Variants in KHDRBS3 observed in about 807,000 individuals in gnomAD.
The protein encoded by KHDRBS3 is KH RNA binding domain containing, signal transduction associated 3, also known as KH domain-containing, RNA-binding, signal transduction-associated protein 3.
A neutral mutation model predicts 45.6 loss-of-function variants in KHDRBS3; 23 were observed. That is an observed-to-expected ratio of 0.50 (90% confidence interval 0.36 to 0.72). The LOEUF (loss-of-function observed/expected upper bound fraction) is 0.72. KHDRBS3 is among the 30% of genes least tolerant of loss of function. The probability of loss-of-function intolerance (pLI) is 0.00; values close to 1 mark genes in which losing one functional copy is unlikely to be tolerated. For synonymous variants in KHDRBS3, 162 were observed against 156.5 expected (o/e 1.04, Z -0.26); for missense variants, 352 against 424.8 (o/e 0.83, Z 1.51).
At chr8:135,547,082 A>G (rs529407090) in intron 3 of KHDRBS3, among the ~76,000 whole-genome samples, 1 of 152,322 alleles carries the variant, frequency 6.6e-6, no homozygotes, top group Non-Finnish European at 1.5e-5. Context: ...ATAGAATGCA[A>G]TTTTTAAAAC....
intron 6 of KHDRBS3, among the ~76,000 whole-genome samples, chr8:135,605,246 G>T (rs1215016104): frequency 6.6e-6 from 1 of 151,676 alleles, no homozygotes; most frequent in Non-Finnish European, 1.5e-5. Flanking sequence ...TTTCCTTTGG[G>T]TCTGTCAGTA....
At chr8:135,651,768 A>C (rs1831435810), downstream of KHDRBS3, among the ~76,000 whole-genome samples, 1 of 152,164 alleles carries the variant, frequency 6.6e-6, no homozygotes, top group Non-Finnish European at 1.5e-5. Flanking sequence ...TCACATAGTT[A>C]TTTGACAGTG....
intron 5 of KHDRBS3, among the ~76,000 whole-genome samples, chr8:135,557,798 C>T (rs1177734369): frequency 3.9e-5 from 6 of 152,074 alleles, no homozygotes. Flanking sequence ...CTGCTGCACT[C>T]CAATGTGGGC....
rs6986069 is a variant in KHDRBS3, at chr8:135,469,527, T to G, written c.88+11573T>G. ...TGGTGTTTTTTTTTTGTTTTGGTTT[T>G]TTTTTTTTTTTTTTTTTTTTGAGAC... On this transcript the variant is annotated intron_variant, in intron 1 of 8. Transcript: ENST00000355849. 8.2e-3 allele frequency among the ~76,000 whole-genome samples: 160 copies of G among 19,552 alleles called. 4 individuals are homozygous for G. Among genetic ancestry groups the G allele is most frequent in the East Asian group, 0.06 (5 of 84 alleles). 12.8% of individuals were successfully genotyped at this position (19,552 alleles called of 152,430 possible). A position where few individuals can be genotyped will look rare whatever the true frequency, so the allele number is the denominator to read the frequency against.
intron 7 of KHDRBS3, among the ~76,000 whole-genome samples, chr8:135,615,783 G>A (rs565468016): frequency 2.7e-4 from 41 of 152,308 alleles, no homozygotes; most frequent in Admixed American, 1.7e-3. Context: ...CAAGTATACT[G>A]CATATCCTGA....
At chr8:135,511,531 C>G (rs1446184487) in intron 1 of KHDRBS3, among the ~76,000 whole-genome samples, 1 of 151,036 alleles carries the variant, frequency 6.6e-6, no homozygotes, top group African/African-American at 2.4e-5. Flanking sequence ...AATATTTGCT[C>G]TGTTTTTTTG....
At chr8:135,509,497 C>T (rs1461551975) in intron 1 of KHDRBS3, among the ~76,000 whole-genome samples, 4 of 152,140 alleles carry the variant, frequency 2.6e-5, no homozygotes, top group Non-Finnish European at 5.9e-5. Flanking sequence ...TAGGGAACAT[C>T]CCATCTTCAA....
chr8:135,635,571 A>AG (rs1830777257), intron 7 of KHDRBS3, among the ~76,000 whole-genome samples: 1 of 152,082 alleles, frequency 6.6e-6, no homozygotes, highest in Non-Finnish European at 1.5e-5. Context: ...TTAGTGGAGA[A>AG]GGGGGTTCAC....
intron 7 of KHDRBS3, among the ~76,000 whole-genome samples, chr8:135,623,552 A>G (rs982987036): frequency 2.0e-5 from 3 of 152,154 alleles, no homozygotes; most frequent in Non-Finnish European, 2.9e-5. Flanking sequence ...TTGTGTCACC[A>G]AAGCTAAGTT....
chr8:135,524,110 G>T (rs1040835497), intron 2 of KHDRBS3, among the ~76,000 whole-genome samples: 1 of 151,966 alleles, frequency 6.6e-6, no homozygotes, highest in African/African-American at 2.4e-5. Flanking sequence ...CCATCTCCTG[G>T]ATTCAAGTGA....
intron 1 of KHDRBS3, among the ~76,000 whole-genome samples, chr8:135,514,377 C>T (rs750042899): frequency 6.6e-6 from 1 of 152,168 alleles, no homozygotes; most frequent in Non-Finnish European, 1.5e-5. Context: ...AATATTATTC[C>T]GCCTTAAAAA....
At chr8:135,646,854 T>C in intron 8 of KHDRBS3, 139 bp from the exon 9 acceptor site, 1 of 503,840 alleles carries the variant, frequency 2.0e-6, no homozygotes, top group Non-Finnish European at 3.6e-6. Flanking sequence ...TCCTTGTTTG[T>C]TTTTCTTTTC....
intron 2 of KHDRBS3, among the ~76,000 whole-genome samples, chr8:135,525,458 A>G (rs533611594): frequency 1.3e-5 from 2 of 152,288 alleles, no homozygotes; most frequent in East Asian, 1.9e-4. Flanking sequence ...AATTCACCCC[A>G]GGGTATTTCC....
intron 6 of KHDRBS3, among the ~76,000 whole-genome samples, chr8:135,596,837 G>A (rs77497848): frequency 0.085 from 12,918 of 152,114 alleles, 960 homozygotes; most frequent in African/African-American, 0.2. Context: ...TTAGATCAGC[G>A]AAGCGTGAAG....
intron 1 of KHDRBS3, among the ~76,000 whole-genome samples, chr8:135,484,288 C>T (rs1013336844): frequency 2.0e-5 from 3 of 152,238 alleles, no homozygotes; most frequent in African/African-American, 2.4e-5. Flanking sequence ...AGGCTGATCA[C>T]GCCTTAGTAC....
intron 5 of KHDRBS3, among the ~76,000 whole-genome samples, chr8:135,565,491 A>G (rs566843978): frequency 5.4e-4 from 82 of 152,146 alleles, no homozygotes; most frequent in Non-Finnish European, 1.1e-3. Flanking sequence ...ATTTTTTTAG[A>G]CTGTTTAAGC....
At chr8:135,609,724 G>A (rs762868542) in intron 7 of KHDRBS3, among the ~76,000 whole-genome samples, 62 of 151,872 alleles carry the variant, frequency 4.1e-4, no homozygotes, top group Admixed American at 1.1e-3. Context: ...TAGCGCCACC[G>A]CTGTACCTGC....
At chr8:135,460,313 A>C (rs535022237) in intron 1 of KHDRBS3, among the ~76,000 whole-genome samples, 1 of 152,232 alleles carries the variant, frequency 6.6e-6, no homozygotes, top group Non-Finnish European at 1.5e-5. Context: ...GATATGTTTT[A>C]TGGTATCTCT....
At chr8:135,530,640 A>G (rs1825426966) in intron 2 of KHDRBS3, among the ~76,000 whole-genome samples, 1 of 152,068 alleles carries the variant, frequency 6.6e-6, no homozygotes, top group Non-Finnish European at 1.5e-5. Context: ...AACATCTTAG[A>G]GATTTGCCAT....
Sources: gnomAD v4.1 joint callset for allele counts (sites outside exome capture counted in the v4.1 genomes callset) on GRCh38, gnomAD v4.1.1 for gene constraint, MANE v1.5 for transcripts, NCBI Gene and HGNC (gene_info 2026-07-23, HGNC 2026-07-21) for gene names.